TRAPPC9: variants seen among roughly 807,000 people sequenced by gnomAD.
The protein encoded by TRAPPC9 is IKK2 binding protein.
A neutral mutation model predicts 124.0 loss-of-function variants in TRAPPC9; 83 were observed. The observed-to-expected ratio is 0.67, with a 90% CI of 0.56 to 0.80. The LOEUF (loss-of-function observed/expected upper bound fraction) is 0.80. TRAPPC9 is among the 30% of genes least tolerant of loss of function. The pLI, the probability that TRAPPC9 is intolerant of heterozygous loss-of-function variation, is 0.00. For synonymous variants in TRAPPC9, 638 were observed against 617.5 expected (o/e 1.03, Z -0.49); for missense variants, 1,302 against 1,508.3 (o/e 0.86, Z 2.27).
intron 4 of TRAPPC9, 58 bp downstream of exon 4, chr8:140,435,054 A>C (rs1420361638): frequency 6.2e-7 from 1 of 1,613,150 alleles, no homozygotes; most frequent in Non-Finnish European, 8.5e-7. Context: ...GTAACAAATG[A>C]GTCTGCTTTA....
intron 16 of TRAPPC9, among the ~76,000 whole-genome samples, chr8:140,246,107 C>T (rs1474275638): frequency 1.3e-5 from 2 of 152,184 alleles, no homozygotes; most frequent in African/African-American, 4.8e-5. Context: ...TTTCCAAGGG[C>T]GAACAATTCT....
chr8:139,861,466 C>G (rs1828149433), intron 21 of TRAPPC9, among the ~76,000 whole-genome samples: 1 of 152,002 alleles, frequency 6.6e-6, no homozygotes, highest in South Asian at 2.1e-4. Flanking sequence ...ATTGGGTGAC[C>G]AGGGGAACAG....
chr8:140,008,889 A>G (rs1838937508), intron 18 of TRAPPC9, among the ~76,000 whole-genome samples: 1 of 152,222 alleles, frequency 6.6e-6, no homozygotes, highest in African/African-American at 2.4e-5. Context: ...CCCAGTAGGA[A>G]AGGCTGGGTA....
intron 17 of TRAPPC9, among the ~76,000 whole-genome samples, chr8:140,033,676 T>TG (rs61640655): frequency 0.044 from 4,616 of 105,678 alleles, 287 homozygotes; most frequent in South Asian, 0.083. Flanking sequence ...TTTTTTTTTT[T>TG]TTTTTTTTTT....
At chr8:140,363,622 AGTTT>A (rs1455444340) in intron 8 of TRAPPC9, among the ~76,000 whole-genome samples, 1 of 148,708 alleles carries the variant, frequency 6.7e-6, no homozygotes, top group East Asian at 2.0e-4. Context: ...TTTGAAACGG[AGTTT>A]CACTCTTGTT....
At chr8:139,752,861 C>T (rs143176903) in intron 21 of TRAPPC9, among the ~76,000 whole-genome samples, 49 of 150,648 alleles carry the variant, frequency 3.3e-4, no homozygotes, top group African/African-American at 1.2e-3. Context: ...TCCATCCACC[C>T]ATCCAACATC....
chr8:140,005,474 CG>C (rs1208269384), intron 18 of TRAPPC9, among the ~76,000 whole-genome samples: 4 of 152,148 alleles, frequency 2.6e-5, no homozygotes, highest in African/African-American at 9.7e-5. Flanking sequence ...TAATTCTAAG[CG>C]GCAGCCTGGT....
chr8:140,150,880 G>T (rs1300130766), intron 17 of TRAPPC9, among the ~76,000 whole-genome samples: 1 of 152,158 alleles, frequency 6.6e-6, no homozygotes, highest in African/African-American at 2.4e-5. Flanking sequence ...TTCAAATAAG[G>T]ACAAAAGAAG....
At chr8:139,783,413 T>C (rs1158975921) in intron 21 of TRAPPC9, among the ~76,000 whole-genome samples, 1 of 152,206 alleles carries the variant, frequency 6.6e-6, no homozygotes, top group African/African-American at 2.4e-5. Context: ...CTTCATTTCA[T>C]TTGACAACAT....
rs139414574 is a variant in TRAPPC9 at position 139,890,978 on chromosome 8, G to A, written c.2965-5009C>T. Reference sequence around the variant, plus strand: ...TAGGCCACCTGCTTTCACTATGGCTGAAGCGAATGGGTCTCCATTCCCCTA... The same window carrying A: ...TAGGCCACCTGCTTTCACTATGGCTAAAGCGAATGGGTCTCCATTCCCCTA... On this transcript the variant is annotated intron_variant, in intron 20 of 22. Transcript: ENST00000438773. Among the ~76,000 whole-genome samples, 46 of 152,214 alleles carry A rather than the reference G, an allele frequency of 3.0e-4. No homozygotes were observed. The East Asian group carries it at 8.9e-3, about 29-fold the overall frequency.
In TRAPPC9 at chr8:140,400,180, T is replaced by G. The variant is rs2069219224; in HGVS notation, c.1009-2435A>C. Among the ~76,000 whole-genome samples, 3 of 152,210 alleles carry G rather than the reference T, an allele frequency of 2.0e-5. No homozygotes were observed. In the South Asian group the frequency reaches 6.2e-4, roughly 32 times the overall value. ...GTAAATTGCCAGTCTCCAGTACGTC[T>G]TTATCAGCAGCATGAAAATGGACTA... On this transcript the variant is annotated intron_variant, in intron 6 of 22. Transcript: ENST00000438773.
chr8:139,787,869 C>T (rs1308847412), intron 21 of TRAPPC9, among the ~76,000 whole-genome samples: 1 of 152,074 alleles, frequency 6.6e-6, no homozygotes, highest in African/African-American at 2.4e-5. Context: ...CCAGATGTGT[C>T]CTGGGTGAAA....
chr8:140,311,740 C>A (rs2066303894), intron 9 of TRAPPC9, among the ~76,000 whole-genome samples: 1 of 152,142 alleles, frequency 6.6e-6, no homozygotes, highest in South Asian at 2.1e-4. Flanking sequence ...AGGTAATTAC[C>A]AAGCAAAATG....
intron 16 of TRAPPC9, among the ~76,000 whole-genome samples, chr8:140,250,644 C>G (rs1463929845): frequency 1.3e-5 from 2 of 152,140 alleles, no homozygotes; most frequent in Non-Finnish European, 2.9e-5. Context: ...GTTCTTCGTG[C>G]CTACCTTTTC....
At chr8:140,390,785 C>T (rs970589750) in intron 7 of TRAPPC9, among the ~76,000 whole-genome samples, 9 of 152,234 alleles carry the variant, frequency 5.9e-5, no homozygotes, top group African/African-American at 1.9e-4. Flanking sequence ...TTCCCTCTCT[C>T]TCCTTTTACA....
intron 18 of TRAPPC9, among the ~76,000 whole-genome samples, chr8:139,999,547 T>G (rs1230915717): frequency 6.6e-6 from 1 of 151,786 alleles, no homozygotes; most frequent in African/African-American, 2.4e-5. Context: ...ATAAAAGTAA[T>G]AAACACCACC....
At position 139,776,291 on chromosome 8, in the gene TRAPPC9, G is replaced by A. The variant is rs1174407963; in HGVS notation, c.3056-44089C>T. Among the ~76,000 whole-genome samples the A allele has an allele frequency of 6.6e-6, 1 of 152,186 alleles. No homozygotes were observed. Among genetic ancestry groups the A allele is most frequent in the Non-Finnish European group, 1.5e-5 (1 of 68,044 alleles). ...GCACAGATGAACTCAGCCACTCCAG[G>A]CAAAGCCAACAGGCCCAAACAGGGG... On this transcript the variant is annotated intron_variant, in intron 21 of 22. Coordinates refer to ENST00000438773, the MANE Select transcript of TRAPPC9 (RefSeq NM_001160372.4). The surrounding 1 kb of genome is among the most constrained non-coding windows in gnomAD (Gnocchi z 4.1).
At chr8:139,853,564 T>C (rs1198503469) in intron 21 of TRAPPC9, among the ~76,000 whole-genome samples, 1 of 152,124 alleles carries the variant, frequency 6.6e-6, no homozygotes, top group Non-Finnish European at 1.5e-5. Flanking sequence ...AAATAATAAA[T>C]GCAAGGACTA....
chr8:139,951,380 G>A (rs1834637334), intron 19 of TRAPPC9, among the ~76,000 whole-genome samples: 1 of 152,204 alleles, frequency 6.6e-6, no homozygotes, highest in Non-Finnish European at 1.5e-5. Context: ...AAGATGAGAA[G>A]AAATGTGACA....
Sources: allele counts gnomAD v4.1 joint callset (sites outside exome capture counted in the v4.1 genomes callset), GRCh38; gene constraint gnomAD v4.1.1; non-coding constraint Gnocchi (gnomAD v3.1); transcripts MANE v1.5; gene names NCBI Gene and HGNC (gene_info 2026-07-23, HGNC 2026-07-21).